Variants in ULBP3 observed in about 807,000 individuals in gnomAD.
ULBP3 encodes the protein UL16-binding protein 3.
Under a neutral mutation model 24.9 loss-of-function variants are expected in ULBP3, and 25 were observed. The ratio of observed to expected loss-of-function variants is 1.00; its 90% CI spans 0.73 to 1.40. The LOEUF (loss-of-function observed/expected upper bound fraction) is 1.40. Among genes scored for constraint, ULBP3 ranks in the 40% most tolerant of loss-of-function variants. The probability of loss-of-function intolerance (pLI) is 0.00; values close to 1 mark genes in which losing one functional copy is unlikely to be tolerated. For synonymous variants in ULBP3, 114 were observed against 114.7 expected (o/e 0.99, Z 0.04); for missense variants, 306 against 307.5 (o/e 1.00, Z 0.04).
At chr6:150,063,992 G>A (rs1241187027) in intron 4 of ULBP3, among the ~76,000 whole-genome samples, 9 of 152,142 alleles carry the variant, frequency 5.9e-5, no homozygotes, top group Admixed American at 3.9e-4. Flanking sequence ...CAAGGGGCTC[G>A]GCCATTTCCT....
rs1273609235 is a variant in ULBP3 at position 150,061,172 on chromosome 6, G to T, written c.*2202C>A. ...ATGACTAGAGTTTAGTTTTTGATCTGGGTTAGCGTTCATAGTGCAAAGTTC... is the reference window on the plus strand; with the variant it reads ...ATGACTAGAGTTTAGTTTTTGATCTTGGTTAGCGTTCATAGTGCAAAGTTC... On this transcript the variant is annotated 3_prime_UTR_variant, in exon 5 of 5. Transcript: ENST00000367339. Among the ~76,000 whole-genome samples the T allele has an allele frequency of 1.3e-5, 2 of 152,038 alleles. No individual in the cohort carries two copies. The highest frequency in any genetic ancestry group is 4.8e-5 in the African/African-American group (2 of 41,392).
rs373233429 is a variant in ULBP3 at position 150,068,205 on chromosome 6, C to T, written c.88+774G>A. Among the ~76,000 whole-genome samples the T allele has an allele frequency of 2.3e-3, 354 of 152,226 alleles. 1 individual carries two copies. Among genetic ancestry groups the T allele is most frequent in the African/African-American group, 8.0e-3 (332 of 41,548 alleles). On this transcript the variant is annotated intron_variant, in intron 1 of 4. Coordinates refer to ENST00000367339, the MANE Select transcript of ULBP3 (RefSeq NM_024518.3). ...GGGTCCCTGAATGGCCCCTGGGGACCGTTAATGCTACTCAGCAACAAAGGA... is the reference window on the plus strand; with the variant it reads ...GGGTCCCTGAATGGCCCCTGGGGACTGTTAATGCTACTCAGCAACAAAGGA...
intron 1 of ULBP3, among the ~76,000 whole-genome samples, chr6:150,068,612 C>T (rs2009345): frequency 0.5 from 76,742 of 152,042 alleles, 20,652 homozygotes; most frequent in Middle Eastern, 0.69. Context: ...ATGACGCTGG[C>T]GTCACCCATG....
Position 150,064,567 on chromosome 6 carries a change from C to T in ULBP3, c.*22+18G>A. On this transcript the variant is annotated intron_variant, in intron 4 of 4. Coordinates refer to ENST00000367339, the MANE Select transcript of ULBP3 (RefSeq NM_024518.3). ...ACCCATCTGTCTCTCGTTCCCCTCA[C>T]AGTTTTGCCCACAGTACCTGTCACT... The T allele has an allele frequency of 1.9e-6, 3 of 1,605,272 alleles. No homozygotes were observed. Among genetic ancestry groups the T allele is most frequent in the African/African-American group, 1.3e-5 (1 of 74,884 alleles).
Position 150,064,725 on chromosome 6 carries a change from A to T in ULBP3, c.629-12T>A, listed in dbSNP as rs766719576. 1 of 1,613,408 alleles carries T rather than the reference A, an allele frequency of 6.2e-7. No homozygotes were observed. The highest frequency in any genetic ancestry group is 1.7e-5 in the Admixed American group (1 of 59,962). On this transcript the variant is annotated splice_polypyrimidine_tract_variant and intron_variant, in intron 3 of 4. Coordinates refer to ENST00000367339, the MANE Select transcript of ULBP3 (RefSeq NM_024518.3). ...CATGGTGGGTGGTGCTGAAAGGGAAACACAAAAGTGACAACTCTTGTCCAC... is the reference window on the plus strand; with the variant it reads ...CATGGTGGGTGGTGCTGAAAGGGAATCACAAAAGTGACAACTCTTGTCCAC...
intron 1 of ULBP3, among the ~76,000 whole-genome samples, chr6:150,068,338 A>C (rs1302419926): frequency 6.6e-6 from 1 of 152,140 alleles, no homozygotes. Flanking sequence ...TTCAACTTAC[A>C]CAACTTAGAG....
intron 4 of ULBP3, among the ~76,000 whole-genome samples, chr6:150,063,921 T>A (rs1177518020): frequency 3.3e-5 from 5 of 151,868 alleles, no homozygotes; most frequent in African/African-American, 1.2e-4. Context: ...GGATCTGGAG[T>A]GTGCACGAGG....
chr6:150,064,733 G>A lies in ULBP3; in HGVS notation c.629-20C>T. 6.2e-7 allele frequency: 1 copy of A among 1,612,870 alleles called. No individual in the cohort carries two copies. The highest frequency in any genetic ancestry group is 8.5e-7 in the Non-Finnish European group (1 of 1,179,044). ...GTGGTGCTGAAAGGGAAACACAAAA[G>A]TGACAACTCTTGTCCACGCTCCAAA... On this transcript the variant is annotated intron_variant, in intron 3 of 4. Transcript: ENST00000367339.
intron 1 of ULBP3, among the ~76,000 whole-genome samples, chr6:150,068,255 G>A (rs1308966957): frequency 6.6e-6 from 1 of 152,120 alleles, no homozygotes; most frequent in Non-Finnish European, 1.5e-5. Flanking sequence ...CCCGAACCAT[G>A]GGACTCCCCC....
chr6:150,068,345 A>G (rs948785369), intron 1 of ULBP3, among the ~76,000 whole-genome samples: 65 of 152,292 alleles, frequency 4.3e-4, no homozygotes, highest in Admixed American at 2.2e-3. Flanking sequence ...TACACAACTT[A>G]GAGATGACAC....
intron 3 of ULBP3, 73 bp from the exon 4 acceptor site, chr6:150,064,786 C>T: frequency 6.7e-7 from 1 of 1,489,600 alleles, no homozygotes; most frequent in Non-Finnish European, 9.3e-7. Context: ...TTAGCTCCTG[C>T]TACCCCAGGT....
chr6:150,068,346 G>C (rs980279724), intron 1 of ULBP3, among the ~76,000 whole-genome samples: 1 of 152,200 alleles, frequency 6.6e-6, no homozygotes, highest in African/African-American at 2.4e-5. Context: ...ACACAACTTA[G>C]AGATGACACC....
At chr6:150,067,666 T>C (rs546666384) in intron 1 of ULBP3, among the ~76,000 whole-genome samples, 145 of 152,330 alleles carry the variant, frequency 9.5e-4, no homozygotes, top group Non-Finnish European at 1.7e-3. Flanking sequence ...ACTACTCAAC[T>C]CTGCTCTTAT....
intron 4 of ULBP3, among the ~76,000 whole-genome samples, chr6:150,064,026 A>T (rs1273309015): frequency 6.6e-6 from 1 of 151,796 alleles, no homozygotes; most frequent in African/African-American, 2.4e-5. Context: ...GACACGCTCT[A>T]CTCTTCACCT....
chr6:150,066,535 T>A (rs1169338583), intron 1 of ULBP3, among the ~76,000 whole-genome samples: 8 of 152,152 alleles, frequency 5.3e-5, no homozygotes, highest in Admixed American at 5.2e-4. Flanking sequence ...TAACATTGGA[T>A]AAGGATGAGT....
chr6:150,063,797 T>C (rs563758724), intron 4 of ULBP3, among the ~76,000 whole-genome samples: 46 of 152,326 alleles, frequency 3.0e-4, no homozygotes, highest in Admixed American at 1.7e-3. Context: ...GGACTGTCCC[T>C]GCCCTGCCCC....
chr6:150,067,461 G>C (rs1398815886), intron 1 of ULBP3, among the ~76,000 whole-genome samples: 3 of 152,190 alleles, frequency 2.0e-5, no homozygotes, highest in Admixed American at 2.0e-4. Context: ...TTGCTCCCCT[G>C]TTACTCATGA....
rs1244962172 is a variant in ULBP3 at position 150,061,139 on chromosome 6, T to G, written c.*2235A>C. On this transcript the variant is annotated 3_prime_UTR_variant, in exon 5 of 5. Coordinates refer to ENST00000367339, the MANE Select transcript of ULBP3 (RefSeq NM_024518.3). ...ATTATCATCATATACAACTTACGATTATTTTAAATGACTAGAGTTTAGTTT... is the reference window on the plus strand; with the variant it reads ...ATTATCATCATATACAACTTACGATGATTTTAAATGACTAGAGTTTAGTTT... 2.0e-5 allele frequency among the ~76,000 whole-genome samples: 3 copies of G among 152,228 alleles called. No individual in the cohort carries two copies. Among genetic ancestry groups the G allele is most frequent in the Non-Finnish European group, 4.4e-5 (3 of 68,044 alleles).
chr6:150,063,064 T>G lies in ULBP3; in HGVS notation c.*310A>C, dbSNP rs1582863898. 2 of 128,086 alleles carry G rather than the reference T, an allele frequency of 1.6e-5. No homozygotes were observed. The highest frequency in any genetic ancestry group is 4.9e-4 in the East Asian group (2 of 4,096). The allele number at this position is 128,086 out of a possible 1,614,324, so 7.9% of individuals were successfully genotyped here. On this transcript the variant is annotated 3_prime_UTR_variant, in exon 5 of 5. Transcript: ENST00000367339. ...TTGCAGTGAGCCGAGATTGCGCCACTGCAGTCCGCAGTCCGGCCTGGGCGA... is the reference window on the plus strand; with the variant it reads ...TTGCAGTGAGCCGAGATTGCGCCACGGCAGTCCGCAGTCCGGCCTGGGCGA...
Sources: allele counts gnomAD v4.1 joint callset (sites outside exome capture counted in the v4.1 genomes callset), GRCh38; gene constraint gnomAD v4.1.1; transcripts MANE v1.5; gene names NCBI Gene and HGNC (gene_info 2026-07-23, HGNC 2026-07-21).